RAB22A: variants seen among roughly 807,000 people sequenced by gnomAD.
The protein encoded by RAB22A is ras-related protein Rab-22A.
Under a neutral mutation model 30.2 loss-of-function variants are expected in RAB22A, and 13 were observed. That is an observed-to-expected ratio of 0.43 (90% CI 0.28 to 0.68). The LOEUF (loss-of-function observed/expected upper bound fraction) is 0.68. Among genes scored for constraint, RAB22A ranks in the 30% least tolerant of loss-of-function variants. The pLI is 0.18. For missense variants in RAB22A, 177 were observed against 246.8 expected, an observed-to-expected ratio of 0.72 and a Z score of 1.89; for synonymous variants, 89 against 87.2, an observed-to-expected ratio of 1.02 and a Z score of -0.11.
chr20:58,351,601 G>C (rs1188749450), intron 3 of RAB22A, among the ~76,000 whole-genome samples: 2 of 152,206 alleles, frequency 1.3e-5, no homozygotes, highest in Non-Finnish European at 2.9e-5. Flanking sequence ...ATCACCTGAA[G>C]TCGGGATTTC....
rs1600749864 is a variant in RAB22A at position 58,366,556 on chromosome 20, G to A, written c.*6853G>A. The A allele has an allele frequency of 6.6e-6, 1 of 151,760 alleles. No individual in the cohort carries two copies. The highest frequency in any genetic ancestry group is 2.0e-4 in the East Asian group (1 of 5,118). 9.4% of individuals were successfully genotyped at this position (151,760 alleles called of 1,614,324 possible). On this transcript the variant is annotated 3_prime_UTR_variant, in exon 7 of 7. Coordinates refer to ENST00000244040, the MANE Select transcript of RAB22A (RefSeq NM_020673.3). Reference sequence around the variant, plus strand: ...TCAGTCCATTACACATTCGATACAGGTATCAAAATATCATAGGCACCTCAA... The same window carrying A: ...TCAGTCCATTACACATTCGATACAGATATCAAAATATCATAGGCACCTCAA...
intron 2 of RAB22A, among the ~76,000 whole-genome samples, chr20:58,333,307 A>AAATAAATCAATAAATC (rs1193519347): frequency 6.6e-6 from 1 of 151,538 alleles, no homozygotes; most frequent in South Asian, 2.1e-4. Context: ...ATAAATAAAT[A>AAATAAATCAATAAATC]AATCCCGCCA....
At chr20:58,354,084 C>A (rs1044836788) in intron 5 of RAB22A, 72 bp from the exon 6 acceptor site, 60 of 1,062,500 alleles carry the variant, frequency 5.6e-5, no homozygotes, top group Admixed American at 8.3e-5. Context: ...ATCTGGTTAA[C>A]TACTGGGTAG....
chr20:58,341,445 A>G (rs1221361358), intron 2 of RAB22A, among the ~76,000 whole-genome samples: 3 of 152,182 alleles, frequency 2.0e-5, no homozygotes, highest in African/African-American at 7.2e-5. Flanking sequence ...TTGAGACAAG[A>G]CAGGCAAGGA....
intron 2 of RAB22A, among the ~76,000 whole-genome samples, chr20:58,311,732 C>T (rs988454388): frequency 3.9e-5 from 6 of 152,102 alleles, no homozygotes; most frequent in African/African-American, 1.4e-4. Flanking sequence ...TTATGTTAAC[C>T]TTATAAAACT....
chr20:58,324,431 A>G (rs905483921), intron 2 of RAB22A, among the ~76,000 whole-genome samples: 11 of 152,102 alleles, frequency 7.2e-5, no homozygotes, highest in African/African-American at 2.2e-4. Context: ...GATCAACTCT[A>G]TGATATGTCT....
rs948433300 is a variant in RAB22A at position 58,310,971 on chromosome 20, T to A, written c.37-72T>A. The A allele has an allele frequency of 5.7e-6, 7 of 1,233,180 alleles. No homozygotes were observed. The African/African-American group carries it at 7.4e-5, about 13-fold the overall frequency. The allele number at this position is 1,233,180 out of a possible 1,614,324, so 76.4% of individuals were successfully genotyped here. A position where few individuals can be genotyped will look rare whatever the true frequency, so the allele number is the denominator to read the frequency against. ...TGATTTTTCTAAAATCCTGAACTTA[T>A]GCCACAAAGTAGTTTTTGGTGTCTG... On this transcript the variant is annotated intron_variant, in intron 1 of 6. Coordinates refer to ENST00000244040, the MANE Select transcript of RAB22A (RefSeq NM_020673.3).
At position 58,360,619 on chromosome 20, in the gene RAB22A, G is replaced by C. The variant is rs563098622; in HGVS notation, c.*916G>C. The C allele has an allele frequency of 2.3e-4, 35 of 152,734 alleles. No homozygotes were observed. Among genetic ancestry groups the C allele is most frequent in the African/African-American group, 8.4e-4 (35 of 41,550 alleles). The allele number at this position is 152,734 out of a possible 1,614,324, so 9.5% of individuals were successfully genotyped here. A position where few individuals can be genotyped will look rare whatever the true frequency, so the allele number is the denominator to read the frequency against. On this transcript the variant is annotated 3_prime_UTR_variant, in exon 7 of 7. Coordinates refer to ENST00000244040, the MANE Select transcript of RAB22A (RefSeq NM_020673.3). ...TATATTTATGGGGCCATTGCTTAAAGATTATAAATTATGTAAATACATTAA... is the reference window on the plus strand; with the variant it reads ...TATATTTATGGGGCCATTGCTTAAACATTATAAATTATGTAAATACATTAA...
Position 58,359,646 on chromosome 20 carries a change from C to T in RAB22A, c.528C>T (p.Gly176=), listed in dbSNP as rs758247390. The T allele has an allele frequency of 3.1e-6, 5 of 1,612,696 alleles. No homozygotes were observed. Among genetic ancestry groups the T allele is most frequent in the Middle Eastern group, 1.7e-4 (1 of 6,056 alleles). The change falls in exon 7 of 7, where the codon GGC becomes GGT. Residue 176 remains glycine (G), a synonymous_variant. Coordinates refer to ENST00000244040, the MANE Select transcript of RAB22A (RefSeq NM_020673.3). ...IPSTDANLPS[G]GKGFKLRRQP... ...CCACTGACGCCAACCTGCCATCTGG[C>T]GGTAAGGGCTTCAAACTCCGAAGAC...
At chr20:58,312,519 C>T (rs1231515059) in intron 2 of RAB22A, among the ~76,000 whole-genome samples, 143 of 97,848 alleles carry the variant, frequency 1.5e-3, no homozygotes, top group African/African-American at 5.3e-3. Flanking sequence ...GGTGGAGTCT[C>T]GCTCTGTTGC....
rs1195198236 is a variant in RAB22A, at chr20:58,366,913, A to G, written c.*7210A>G. ...AACAGCTATGGCAATGAGCCTAGAC[A>G]TTTTTCAAAAAAAAAAGCTAAGCCG... On this transcript the variant is annotated 3_prime_UTR_variant, in exon 7 of 7. Transcript: ENST00000244040. 2 of 152,490 alleles carry G rather than the reference A, an allele frequency of 1.3e-5. No homozygotes were observed. Among genetic ancestry groups the G allele is most frequent in the East Asian group, 3.9e-4 (2 of 5,192 alleles). 9.4% of individuals were successfully genotyped at this position (152,490 alleles called of 1,614,324 possible).
chr20:58,354,931 A>G (rs1987108352), intron 6 of RAB22A, among the ~76,000 whole-genome samples: 1 of 152,368 alleles, frequency 6.6e-6, no homozygotes, highest in East Asian at 1.9e-4. Flanking sequence ...AAATAGGATC[A>G]TTTCAGATCA....
At chr20:58,326,699 A>G (rs1005814744) in intron 2 of RAB22A, among the ~76,000 whole-genome samples, 5 of 152,170 alleles carry the variant, frequency 3.3e-5, no homozygotes, top group African/African-American at 7.2e-5. Context: ...GATAGTTGGT[A>G]GGGTAGATGC....
In RAB22A at chr20:58,311,025, C is replaced by T. The variant is rs1459843793; in HGVS notation, c.37-18C>T. On this transcript the variant is annotated intron_variant, in intron 1 of 6. Transcript: ENST00000244040. ...AAAGGTAAACTTTTTCTCAGTCCCT[C>T]ATCTCGTTCTCTTTCAGGATACAGG... The T allele has an allele frequency of 1.3e-6, 2 of 1,572,934 alleles. No individual in the cohort carries two copies. The highest frequency in any genetic ancestry group is 1.8e-6 in the Non-Finnish European group (2 of 1,142,640).
At chr20:58,340,775 A>G (rs1986841997) in intron 2 of RAB22A, among the ~76,000 whole-genome samples, 1 of 152,152 alleles carries the variant, frequency 6.6e-6, no homozygotes, top group African/African-American at 2.4e-5. Context: ...TGCAGTGGTG[A>G]GTTGGGTGGG....
At chr20:58,335,896 T>C (rs1404915350) in intron 2 of RAB22A, among the ~76,000 whole-genome samples, 2 of 152,232 alleles carry the variant, frequency 1.3e-5, no homozygotes, top group Non-Finnish European at 2.9e-5. Flanking sequence ...GGATTTTGTA[T>C]GTTAGTCTTA....
chr20:58,322,140 A>T (rs1422577801), intron 2 of RAB22A, among the ~76,000 whole-genome samples: 1 of 152,198 alleles, frequency 6.6e-6, no homozygotes, highest in Non-Finnish European at 1.5e-5. Flanking sequence ...AAACGTCATG[A>T]AATGTCTCTC....
At chr20:58,343,165 G>A (rs907139189) in intron 2 of RAB22A, among the ~76,000 whole-genome samples, 3 of 152,176 alleles carry the variant, frequency 2.0e-5, no homozygotes, top group Non-Finnish European at 4.4e-5. Flanking sequence ...CAGGGGCACT[G>A]ATGATGAATC....
chr20:58,323,955 TTTA>T (rs1412415247), intron 2 of RAB22A, among the ~76,000 whole-genome samples: 1 of 152,186 alleles, frequency 6.6e-6, no homozygotes, highest in Non-Finnish European at 1.5e-5. Flanking sequence ...ACATGTTATT[TTTA>T]TTAAATACAT....
Sources: allele counts gnomAD v4.1 joint callset (sites outside exome capture counted in the v4.1 genomes callset), GRCh38; gene constraint gnomAD v4.1.1; transcripts MANE v1.5; gene names NCBI Gene and HGNC (gene_info 2026-07-23, HGNC 2026-07-21).